Variants in NRXN3 observed in about 807,000 individuals in gnomAD.
NRXN3 encodes neurexin 3, also known as neurexin III.
In NRXN3, 32 loss-of-function variants were observed where a neutral mutation model predicts 137.6. That is an observed-to-expected ratio of 0.23 (90% confidence interval 0.18 to 0.31). NRXN3 has a LOEUF of 0.31. Ranked by LOEUF, NRXN3 falls within the 10% of genes least tolerant of loss-of-function variation. NRXN3 has a pLI of 1.00. For missense variants in NRXN3, 1,574 were observed against 2,062.5 expected (o/e 0.76, Z 4.59); for synonymous variants, 798 against 784.5 (o/e 1.02, Z -0.29).
chr14:78,383,935 T>C (rs1410740763), intron 4 of NRXN3, among the ~76,000 whole-genome samples: 1 of 152,206 alleles, frequency 6.6e-6, no homozygotes, highest in Non-Finnish European at 1.5e-5. Flanking sequence ...AAGGTATTAC[T>C]TTGGTCTACA....
At chr14:79,763,376 G>A (rs1244043239) in intron 19 of NRXN3, among the ~76,000 whole-genome samples, 13 of 69,462 alleles carry the variant, frequency 1.9e-4, no homozygotes, top group Non-Finnish European at 3.9e-4. Context: ...ACATACGTGT[G>A]CATGTGTCTT....
In NRXN3 at chr14:79,867,424, G is replaced by A. The variant is rs2099418493; in HGVS notation, c.*5460G>A. On this transcript the variant is annotated 3_prime_UTR_variant, in exon 21 of 21. Coordinates refer to ENST00000335750, the MANE Select transcript of NRXN3 (RefSeq NM_001330195.2). ...CTGGGAAGGGCTCTCTTCCTGGCTTGTAGATAATAAGCTACCTTCTCACTA... is the reference window on the plus strand; with the variant it reads ...CTGGGAAGGGCTCTCTTCCTGGCTTATAGATAATAAGCTACCTTCTCACTA... The A allele has an allele frequency of 6.6e-6, 1 of 152,204 alleles. No individual in the cohort carries two copies. The highest frequency in any genetic ancestry group is 2.1e-4 in the South Asian group (1 of 4,832). 9.4% of individuals were successfully genotyped at this position (152,204 alleles called of 1,614,324 possible). A position where few individuals can be genotyped will look rare whatever the true frequency, so the allele number is the denominator to read the frequency against.
chr14:79,070,324 G>A (rs1351593997), intron 15 of NRXN3, among the ~76,000 whole-genome samples: 3 of 152,170 alleles, frequency 2.0e-5, no homozygotes, highest in Non-Finnish European at 4.4e-5. Context: ...CCAAAGGAAG[G>A]AAGAGTAAGA....
Position 78,180,008 on chromosome 14 carries a change from G to A in NRXN3, c.-704+9334G>A, listed in dbSNP as rs148284384. On this transcript the variant is annotated intron_variant, in intron 1 of 20. Coordinates refer to ENST00000335750, the MANE Select transcript of NRXN3 (RefSeq NM_001330195.2). ...TTACAGGCATGTGCCACGACATCCA[G>A]CTAATTTTTTTGCATTTTTAGTAGA... 6.1e-3 allele frequency among the ~76,000 whole-genome samples: 922 copies of A among 152,100 alleles called. 12 individuals carry two copies. Among genetic ancestry groups the A allele is most frequent in the African/African-American group, 0.021 (877 of 41,496 alleles).
chr14:78,843,842 T>C (rs1327128986), intron 10 of NRXN3, among the ~76,000 whole-genome samples: 1 of 152,110 alleles, frequency 6.6e-6, no homozygotes, highest in African/African-American at 2.4e-5. Flanking sequence ...TGGCCCCAAG[T>C]CTGCATTGAC....
intron 16 of NRXN3, among the ~76,000 whole-genome samples, chr14:79,552,076 A>G (rs1344835283): frequency 1.3e-5 from 2 of 152,192 alleles, no homozygotes; most frequent in Admixed American, 6.5e-5. Context: ...GTATTCTTCA[A>G]TTTGTTGATA....
Position 79,765,753 on chromosome 14 carries a change from C to T in NRXN3, c.4015-39359C>T, listed in dbSNP as rs552523501. On this transcript the variant is annotated intron_variant, in intron 19 of 20. Transcript: ENST00000335750. ...GAAATATGAGAGCCCCGTGCAGGGT[C>T]ATTCTGTCCAGGAACTCATCTTCTC... Among the ~76,000 whole-genome samples the T allele has an allele frequency of 8.5e-5, 13 of 152,322 alleles. No individual in the cohort carries two copies. In the South Asian group the frequency reaches 2.7e-3, roughly 32 times the overall value.
At chr14:78,881,744 T>C (rs1349793013) in intron 10 of NRXN3, among the ~76,000 whole-genome samples, 2 of 151,730 alleles carry the variant, frequency 1.3e-5, no homozygotes, top group Non-Finnish European at 2.9e-5. Flanking sequence ...TTTGGAAAAT[T>C]TGTAGCTTGC....
intron 15 of NRXN3, among the ~76,000 whole-genome samples, chr14:78,999,162 T>C (rs1188748632): frequency 6.6e-6 from 1 of 152,208 alleles, no homozygotes; most frequent in East Asian, 1.9e-4. Context: ...TTGACTGTCC[T>C]TATTTTGATC....
intron 19 of NRXN3, among the ~76,000 whole-genome samples, chr14:79,766,465 G>A (rs1393339484): frequency 6.6e-6 from 1 of 152,136 alleles, no homozygotes; most frequent in African/African-American, 2.4e-5. Context: ...ATGATCAGAT[G>A]GTGGCAAGAG....
chr14:78,200,141 T>A (rs975851052), intron 1 of NRXN3, among the ~76,000 whole-genome samples: 2 of 152,178 alleles, frequency 1.3e-5, no homozygotes, highest in African/African-American at 4.8e-5. Context: ...TCCTTGCTGG[T>A]TCATCTGCTT....
chr14:78,299,354 A>C (rs1314055506), intron 4 of NRXN3, among the ~76,000 whole-genome samples: 1 of 152,142 alleles, frequency 6.6e-6, no homozygotes, highest in African/African-American at 2.4e-5. Flanking sequence ...GAGAGAGTTA[A>C]GCACATCTCT....
At chr14:79,818,273 A>G (rs866461229) in intron 20 of NRXN3, among the ~76,000 whole-genome samples, 1 of 151,876 alleles carries the variant, frequency 6.6e-6, no homozygotes, top group Non-Finnish European at 1.5e-5. Context: ...CAGGATGGTC[A>G]TGATCTCCTG....
At chr14:79,091,088 A>AG (rs2049077199) in intron 15 of NRXN3, among the ~76,000 whole-genome samples, 1 of 152,056 alleles carries the variant, frequency 6.6e-6, no homozygotes, top group Non-Finnish European at 1.5e-5. Flanking sequence ...AAAAAAAAAA[A>AG]AAGTGGTCCA....
At chr14:78,845,205 A>G (rs1251977736) in intron 10 of NRXN3, among the ~76,000 whole-genome samples, 1 of 152,060 alleles carries the variant, frequency 6.6e-6, no homozygotes. Flanking sequence ...TGTACTTTCT[A>G]TATCTGCAAG....
intron 19 of NRXN3, among the ~76,000 whole-genome samples, chr14:79,759,688 A>C (rs1462084118): frequency 6.6e-6 from 1 of 151,704 alleles, no homozygotes; most frequent in Non-Finnish European, 1.5e-5. Context: ...GCTATTCCTG[A>C]CATAAAGTTT....
chr14:79,387,619 T>G (rs2094677947), intron 15 of NRXN3, among the ~76,000 whole-genome samples: 2 of 151,280 alleles, frequency 1.3e-5, no homozygotes, highest in African/African-American at 4.9e-5. Context: ...ACCTAAAGGA[T>G]TATAAATCAT....
intron 15 of NRXN3, among the ~76,000 whole-genome samples, chr14:79,133,547 G>A (rs1263753618): frequency 1.3e-5 from 2 of 152,100 alleles, no homozygotes; most frequent in African/African-American, 2.4e-5. Flanking sequence ...ATATGTAAAG[G>A]TACATATATG....
chr14:79,578,871 T>C (rs1416992806), intron 16 of NRXN3, among the ~76,000 whole-genome samples: 5 of 152,132 alleles, frequency 3.3e-5, no homozygotes, highest in South Asian at 2.1e-4. Flanking sequence ...AGAATCTATA[T>C]GTACAGTGGC....
Sources: gnomAD v4.1 joint callset for allele counts (sites outside exome capture counted in the v4.1 genomes callset) on GRCh38, gnomAD v4.1.1 for gene constraint, MANE v1.5 for transcripts, NCBI Gene and HGNC (gene_info 2026-07-23, HGNC 2026-07-21) for gene names.